ARHGAP10: variants seen among roughly 807,000 people sequenced by gnomAD.
ARHGAP10 encodes Rho GTPase activating protein 10, also known as rho GTPase-activating protein 10.
A neutral mutation model predicts 108.6 loss-of-function variants in ARHGAP10; 87 were observed. The observed-to-expected ratio is 0.80, with a 90% CI of 0.67 to 0.96. ARHGAP10 has a LOEUF of 0.96. ARHGAP10 is among the 40% of genes least tolerant of loss of function. The pLI is 0.00. For synonymous variants in ARHGAP10, 347 were observed against 341.1 expected (o/e 1.02, Z -0.19); for missense variants, 939 against 954.5 (o/e 0.98, Z 0.21).
intron 1 of ARHGAP10, among the ~76,000 whole-genome samples, chr4:147,764,721 G>A (rs561992455): frequency 6.6e-6 from 1 of 152,136 alleles, no homozygotes; most frequent in East Asian, 1.9e-4. Flanking sequence ...TTTTAGTAGA[G>A]ACGGAGTTTC....
rs77727364 is a variant in ARHGAP10 at position 147,901,766 on chromosome 4, G to A, written c.1035-4872G>A. 6.0e-3 allele frequency among the ~76,000 whole-genome samples: 910 copies of A among 152,206 alleles called. 12 individuals are homozygous for A. The highest frequency in any genetic ancestry group is 0.048 in the South Asian group (232 of 4,820). On this transcript the variant is annotated intron_variant, in intron 10 of 22. Transcript: ENST00000336498. ...CCTTCATCATTCAACAGTTATTTCTGTGTTTTAGGTTACTAGAATCAGTCA... is the reference window on the plus strand; with the variant it reads ...CCTTCATCATTCAACAGTTATTTCTATGTTTTAGGTTACTAGAATCAGTCA...
chr4:147,746,815 T>A (rs1728943498), intron 1 of ARHGAP10, among the ~76,000 whole-genome samples: 1 of 152,136 alleles, frequency 6.6e-6, no homozygotes, highest in Non-Finnish European at 1.5e-5. Context: ...AATTGTAGAT[T>A]TATGGCAGGA....
intron 10 of ARHGAP10, among the ~76,000 whole-genome samples, chr4:147,891,956 AC>A (rs33975020): frequency 0.065 from 9,786 of 151,478 alleles, 318 homozygotes; most frequent in Non-Finnish European, 0.067. Context: ...TTGTGCTGTG[AC>A]CCCCCCACAC....
At chr4:147,911,524 G>T (rs531507787) in intron 12 of ARHGAP10, among the ~76,000 whole-genome samples, 28 of 152,052 alleles carry the variant, frequency 1.8e-4, no homozygotes, top group Non-Finnish European at 3.5e-4. Context: ...CATCACGCCC[G>T]GCTAATTTAT....
chr4:147,749,928 G>C (rs1029745063), intron 1 of ARHGAP10, among the ~76,000 whole-genome samples: 2 of 152,220 alleles, frequency 1.3e-5, no homozygotes, highest in African/African-American at 4.8e-5. Context: ...TCCAGAAACA[G>C]AATGTATCAC....
At chr4:147,920,883 G>A (rs1462605644) in intron 13 of ARHGAP10, among the ~76,000 whole-genome samples, 1 of 152,182 alleles carries the variant, frequency 6.6e-6, no homozygotes, top group Admixed American at 6.5e-5. Flanking sequence ...GAGAAAGGGT[G>A]ACTGAGAAAA....
At chr4:147,802,459 TACTG>T (rs1204111968) in intron 1 of ARHGAP10, among the ~76,000 whole-genome samples, 1 of 152,266 alleles carries the variant, frequency 6.6e-6, no homozygotes, top group Non-Finnish European at 1.5e-5. Context: ...GCCAGCAATG[TACTG>T]ACTGTTTACT....
At chr4:147,879,131 G>T (rs1427037121) in intron 8 of ARHGAP10, 101 bp from the exon 9 acceptor site, 6 of 864,312 alleles carry the variant, frequency 6.9e-6, no homozygotes, top group Non-Finnish European at 1.1e-5. Context: ...AGCTGTATTC[G>T]TTGCTGCGTT....
chr4:147,850,288 A>G (rs1272634971), intron 4 of ARHGAP10, among the ~76,000 whole-genome samples: 1 of 152,226 alleles, frequency 6.6e-6, no homozygotes. Flanking sequence ...GGGCCAAGTA[A>G]GGGAATAAAA....
rs546405228 is a variant in ARHGAP10 at position 148,042,540 on chromosome 4, C to T, written c.1868-4352C>T. On this transcript the variant is annotated intron_variant, in intron 19 of 22. Transcript: ENST00000336498. Reference sequence around the variant, plus strand: ...TCGACCAGAGGCTTTTTCCTTGAAACTGGCAATAATTTCTTCCCTTTCCTG... The same window carrying T: ...TCGACCAGAGGCTTTTTCCTTGAAATTGGCAATAATTTCTTCCCTTTCCTG... Among the ~76,000 whole-genome samples the T allele has an allele frequency of 2.6e-5, 4 of 152,310 alleles. No homozygotes were observed. In the South Asian group the frequency reaches 6.2e-4, roughly 24 times the overall value.
intron 19 of ARHGAP10, among the ~76,000 whole-genome samples, chr4:148,027,538 G>A (rs1386198715): frequency 2.0e-5 from 3 of 152,272 alleles, no homozygotes; most frequent in Non-Finnish European, 4.4e-5. Context: ...ACTGTTGAGC[G>A]GGGCAGAGAT....
At chr4:148,007,530 T>G (rs994593562) in intron 18 of ARHGAP10, among the ~76,000 whole-genome samples, 1 of 152,188 alleles carries the variant, frequency 6.6e-6, no homozygotes, top group African/African-American at 2.4e-5. Context: ...ATTTTCTCCT[T>G]CAGCGATTCA....
chr4:147,944,635 A>T (rs975527429), intron 14 of ARHGAP10, among the ~76,000 whole-genome samples: 5 of 152,320 alleles, frequency 3.3e-5, no homozygotes, highest in Admixed American at 1.3e-4. Flanking sequence ...TGCTAACAAG[A>T]TGTTGCCTTC....
intron 4 of ARHGAP10, among the ~76,000 whole-genome samples, chr4:147,849,149 A>G (rs1733755227): frequency 6.6e-6 from 1 of 152,030 alleles, no homozygotes; most frequent in Non-Finnish European, 1.5e-5. Flanking sequence ...CAGTAGAGAA[A>G]GGTGGTTGTC....
chr4:148,025,367 ATTTT>A (rs900604469), intron 19 of ARHGAP10, among the ~76,000 whole-genome samples: 5 of 146,372 alleles, frequency 3.4e-5, no homozygotes, highest in African/African-American at 1.2e-4. Flanking sequence ...CAACTTTGGG[ATTTT>A]TTTTTTTAAG....
At chr4:147,770,255 AG>A (rs757177735) in intron 1 of ARHGAP10, among the ~76,000 whole-genome samples, 1 of 152,190 alleles carries the variant, frequency 6.6e-6, no homozygotes, top group South Asian at 2.1e-4. Flanking sequence ...GCCTGTGGTC[AG>A]GTGCCAGTGG....
At chr4:147,968,227 G>A (rs1018915063) in intron 18 of ARHGAP10, among the ~76,000 whole-genome samples, 3 of 152,196 alleles carry the variant, frequency 2.0e-5, no homozygotes, top group Non-Finnish European at 4.4e-5. Context: ...TTCTCAATAG[G>A]ACCACCTTGA....
chr4:147,765,210 C>G (rs1043171166), intron 1 of ARHGAP10, among the ~76,000 whole-genome samples: 1 of 151,936 alleles, frequency 6.6e-6, no homozygotes, highest in African/African-American at 2.4e-5. Flanking sequence ...CATTTAAGAT[C>G]TATTTAGCAA....
intron 10 of ARHGAP10, among the ~76,000 whole-genome samples, chr4:147,902,348 T>C (rs1322318692): frequency 6.6e-6 from 1 of 152,214 alleles, no homozygotes; most frequent in Non-Finnish European, 1.5e-5. Context: ...TAGTGGCACT[T>C]AGGATAAATT....
Sources: gnomAD v4.1 joint callset for allele counts (sites outside exome capture counted in the v4.1 genomes callset) on GRCh38, gnomAD v4.1.1 for gene constraint, MANE v1.5 for transcripts, NCBI Gene and HGNC (gene_info 2026-07-23, HGNC 2026-07-21) for gene names.